RBFOX1: variants seen among roughly 807,000 people sequenced by gnomAD.
RBFOX1 encodes the protein RNA binding protein fox-1 homolog 1.
In RBFOX1, 8 loss-of-function variants were observed where a neutral mutation model predicts 57.7. That is an observed-to-expected ratio of 0.14 (90% confidence interval 0.08 to 0.25). The LOEUF (loss-of-function observed/expected upper bound fraction) is 0.25. Among genes scored for constraint, RBFOX1 ranks in the 10% least tolerant of loss-of-function variants. The pLI, the probability that RBFOX1 is intolerant of heterozygous loss-of-function variation, is 1.00. For synonymous variants in RBFOX1, 326 were observed against 222.4 expected (o/e 1.47, Z -4.15); for missense variants, 611 against 548.5 (o/e 1.11, Z -1.14).
intron 2 of RBFOX1, among the ~76,000 whole-genome samples, chr16:6,392,967 T>G (rs2092672358): frequency 6.6e-6 from 1 of 152,220 alleles, no homozygotes; most frequent in Admixed American, 6.5e-5. Flanking sequence ...TCATAATTGC[T>G]TGTTTCAAGA....
At chr16:5,793,976 G>A (rs2054792208) in intron 3 of RBFOX1, among the ~76,000 whole-genome samples, 1 of 152,180 alleles carries the variant, frequency 6.6e-6, no homozygotes, top group Non-Finnish European at 1.5e-5. Flanking sequence ...GTAAAATCAT[G>A]AAACTGCAAG....
rs371059329 is a variant in RBFOX1, at chr16:5,487,162, C to G, written c.258+19908C>G. Among the ~76,000 whole-genome samples, 5 of 152,150 alleles carry G rather than the reference C, an allele frequency of 3.3e-5. No homozygotes were observed. In the East Asian group the frequency reaches 5.8e-4, roughly 18 times the overall value. ...CCCCCTATTCTGTGCTATCCAAGCT[C>G]CTTGTGTTTTTCTTCCTGGGACCCA... On this transcript the variant is annotated intron_variant, in intron 2 of 2. Coordinates refer to the RBFOX1 transcript ENST00000585867.
At chr16:7,386,154 C>T (rs1320110377) in intron 4 of RBFOX1, among the ~76,000 whole-genome samples, 1 of 152,014 alleles carries the variant, frequency 6.6e-6, no homozygotes, top group Non-Finnish European at 1.5e-5. Context: ...GAGATCCCAA[C>T]AGCCTCAGAG....
chr16:7,504,737 A>ATATATATATATATATATT (rs2072355166), intron 4 of RBFOX1, among the ~76,000 whole-genome samples: 1 of 6,492 alleles, frequency 1.5e-4, no homozygotes, highest in Admixed American at 1.9e-3. Context: ...ATATATATAT[A>ATATATATATATATATATT]TATATATATA....
intron 13 of RBFOX1, among the ~76,000 whole-genome samples, chr16:7,671,096 A>T (rs921222365): frequency 2.9e-4 from 44 of 152,226 alleles, no homozygotes; most frequent in Non-Finnish European, 4.4e-5. Flanking sequence ...AATTAATTTA[A>T]CAAGTAAAGG....
intron 1 of RBFOX1, among the ~76,000 whole-genome samples, chr16:6,168,364 A>T (rs2096933219): frequency 6.6e-6 from 1 of 152,168 alleles, no homozygotes; most frequent in Admixed American, 6.6e-5. Context: ...TAGCTTAAGT[A>T]TGAACAGCTT....
In RBFOX1 at chr16:7,212,298, C is replaced by G. The variant is rs544228340; in HGVS notation, c.27+160200C>G. On this transcript the variant is annotated intron_variant, in intron 4 of 15. Transcript: ENST00000550418. ...GCCTTTGTGTACAGTCCCTTTGCCT[C>G]TGCTGTTCCAATATTGGGATGGTTC... Among the ~76,000 whole-genome samples the G allele has an allele frequency of 3.9e-5, 6 of 152,264 alleles. No homozygotes were observed. In the East Asian group the frequency reaches 9.7e-4, roughly 24 times the overall value.
At chr16:5,626,609 T>A (rs2048357494) in intron 3 of RBFOX1, among the ~76,000 whole-genome samples, 1 of 152,192 alleles carries the variant, frequency 6.6e-6, no homozygotes, top group South Asian at 2.1e-4. Context: ...ATCCTTTGTT[T>A]TCAGCCTCTT....
chr16:5,439,962 T>G (rs967679472), intron 1 of RBFOX1, among the ~76,000 whole-genome samples: 25 of 152,228 alleles, frequency 1.6e-4, no homozygotes, highest in Non-Finnish European at 1.5e-4. Context: ...AGTGCCTTTA[T>G]GCAGCTCAGG....
At position 6,341,982 on chromosome 16, in the gene RBFOX1, T is replaced by C. The variant is rs531491848; in HGVS notation, c.-64+24925T>C. ...ACCTTAATTCCATCTACAACCTTAA[T>C]TCTCCTTTGCAATAAAACATAAAAT... On this transcript the variant is annotated intron_variant, in intron 2 of 15. Coordinates refer to ENST00000550418, the MANE Select transcript of RBFOX1 (RefSeq NM_018723.4). Among the ~76,000 whole-genome samples, 3 of 152,336 alleles carry C rather than the reference T, an allele frequency of 2.0e-5. No homozygotes were observed. The South Asian group carries it at 6.2e-4, about 32-fold the overall frequency.
chr16:6,673,447 G>T (rs953345194), intron 3 of RBFOX1, among the ~76,000 whole-genome samples: 1 of 152,110 alleles, frequency 6.6e-6, no homozygotes, highest in South Asian at 2.1e-4. Flanking sequence ...AATTAGTCGG[G>T]CCTGGTGGTG....
intron 4 of RBFOX1, among the ~76,000 whole-genome samples, chr16:7,512,445 C>T (rs759109091): frequency 1.3e-5 from 2 of 152,162 alleles, no homozygotes; most frequent in Non-Finnish European, 1.5e-5. Context: ...TAAATATTAG[C>T]TGTAATTAGC....
intron 4 of RBFOX1, among the ~76,000 whole-genome samples, chr16:7,151,085 T>C (rs2076015305): frequency 6.6e-6 from 1 of 152,218 alleles, no homozygotes; most frequent in Non-Finnish European, 1.5e-5. Flanking sequence ...GTTAAGTGTA[T>C]TCTACTTTCA....
intron 4 of RBFOX1, among the ~76,000 whole-genome samples, chr16:7,216,808 G>T (rs1434867309): frequency 6.6e-6 from 1 of 152,080 alleles, no homozygotes; most frequent in Non-Finnish European, 1.5e-5. Flanking sequence ...GTTCCTGGTA[G>T]TTACTGTTTT....
chr16:5,608,331 A>G (rs2047660306), intron 3 of RBFOX1, among the ~76,000 whole-genome samples: 1 of 152,140 alleles, frequency 6.6e-6, no homozygotes, highest in South Asian at 2.1e-4. Flanking sequence ...CAGCCGTCTG[A>G]GCAGTCATAG....
intron 3 of RBFOX1, among the ~76,000 whole-genome samples, chr16:6,713,236 C>A (rs1309564433): frequency 6.7e-6 from 1 of 149,932 alleles, no homozygotes; most frequent in Non-Finnish European, 1.5e-5. Context: ...TTCCTTCTCA[C>A]ATGCAACTCT....
chr16:5,464,758 G>A (rs1190601788), intron 1 of RBFOX1, among the ~76,000 whole-genome samples: 1 of 152,182 alleles, frequency 6.6e-6, no homozygotes. Context: ...TGAGCTTTGG[G>A]TGCGTTTCTG....
chr16:5,912,497 C>T (rs976533418), intron 4 of RBFOX1, among the ~76,000 whole-genome samples: 1 of 152,154 alleles, frequency 6.6e-6, no homozygotes, highest in Admixed American at 6.5e-5. Context: ...TCCAGTCCCA[C>T]TACATCACAC....
At chr16:6,262,997 C>A (rs868540830) in intron 1 of RBFOX1, among the ~76,000 whole-genome samples, 9 of 152,274 alleles carry the variant, frequency 5.9e-5, no homozygotes, top group African/African-American at 2.2e-4. Context: ...GAGATGACAT[C>A]TGATTTGTAG....
Sources: gnomAD v4.1 joint callset for allele counts (sites outside exome capture counted in the v4.1 genomes callset) on GRCh38, gnomAD v4.1.1 for gene constraint, MANE v1.5 for transcripts, NCBI Gene and HGNC (gene_info 2026-07-23, HGNC 2026-07-21) for gene names.